Variants in CACNA1E observed in about 807,000 individuals in gnomAD.
CACNA1E encodes the protein voltage-dependent R-type calcium channel subunit alpha-1E.
A neutral mutation model predicts 259.2 loss-of-function variants in CACNA1E; 40 were observed. The ratio of observed to expected loss-of-function variants is 0.15; its 90% CI spans 0.12 to 0.20. The LOEUF (loss-of-function observed/expected upper bound fraction) is 0.20. Among genes scored for constraint, CACNA1E ranks in the 10% least tolerant of loss-of-function variants. CACNA1E has a pLI of 1.00. For synonymous variants in CACNA1E, 1,104 were observed against 1,138.5 expected (o/e 0.97, Z 0.61); for missense variants, 1,874 against 3,040.1 (o/e 0.62, Z 9.02).
At chr1:181,452,462 G>T (rs1661214698) in intron 2 of CACNA1E, among the ~76,000 whole-genome samples, 1 of 152,180 alleles carries the variant, frequency 6.6e-6, no homozygotes, top group African/African-American at 2.4e-5. Context: ...TTTGCAAACT[G>T]TGTTCCTTGG....
At position 181,776,365 on chromosome 1, in the gene CACNA1E, A is replaced by G. The variant is rs1659976124; in HGVS notation, c.5267+137A>G. 2.3e-6 allele frequency: 2 copies of G among 851,684 alleles called. No homozygotes were observed. Among genetic ancestry groups the G allele is most frequent in the Non-Finnish European group, 3.8e-6 (2 of 527,344 alleles). 52.8% of individuals were successfully genotyped at this position (851,684 alleles called of 1,614,324 possible). On this transcript the variant is annotated intron_variant, in intron 38 of 47. Transcript: ENST00000367573. The surrounding 1 kb of genome is among the most constrained non-coding windows in gnomAD (Gnocchi z 4.4). ...AGGAGATTCCTCTTGATTGTGGCCCATAGAAGAGGCTCTGGTATCAAGCCA... is the reference window on the plus strand; with the variant it reads ...AGGAGATTCCTCTTGATTGTGGCCCGTAGAAGAGGCTCTGGTATCAAGCCA...
chr1:181,539,893 G>A (rs905232430), intron 3 of CACNA1E, among the ~76,000 whole-genome samples: 6 of 152,144 alleles, frequency 3.9e-5, no homozygotes, highest in African/African-American at 1.4e-4. Context: ...CTTATTATAG[G>A]TCTTGTGTTA....
intron 38 of CACNA1E, among the ~76,000 whole-genome samples, chr1:181,777,908 G>A (rs1265938990): frequency 1.3e-5 from 2 of 152,162 alleles, no homozygotes; most frequent in Non-Finnish European, 2.9e-5. Flanking sequence ...TTGTTCATCT[G>A]GGCTCACTCA....
chr1:181,722,474 C>T (rs1380230364), intron 16 of CACNA1E, among the ~76,000 whole-genome samples: 2 of 152,160 alleles, frequency 1.3e-5, no homozygotes, highest in Non-Finnish European at 2.9e-5. Flanking sequence ...ACTCCAGTGC[C>T]CTATCCAATC....
intron 1 of CACNA1E, among the ~76,000 whole-genome samples, chr1:181,505,917 G>A (rs111614268): frequency 0.025 from 3,811 of 152,308 alleles, 152 homozygotes; most frequent in African/African-American, 0.087. Flanking sequence ...TGTGTGCCAA[G>A]TACAGTGGTG....
At chr1:181,532,724 A>G (rs1341939838) in intron 3 of CACNA1E, among the ~76,000 whole-genome samples, 1 of 152,226 alleles carries the variant, frequency 6.6e-6, no homozygotes, top group Non-Finnish European at 1.5e-5. Context: ...GCATTTGAGG[A>G]AAGGAGATCT....
intron 2 of CACNA1E, among the ~76,000 whole-genome samples, chr1:181,422,381 C>G (rs1658814339): frequency 2.0e-5 from 3 of 152,314 alleles, no homozygotes; most frequent in South Asian, 4.1e-4. Flanking sequence ...TAGTTACGAT[C>G]TATGTGTTCA....
intron 1 of CACNA1E, among the ~76,000 whole-genome samples, chr1:181,352,012 A>C (rs1653080813): frequency 6.6e-6 from 1 of 152,246 alleles, no homozygotes; most frequent in South Asian, 2.1e-4. Context: ...ATGCACTTGC[A>C]GCATCTGGAG....
At chr1:181,688,958 C>T (rs113120917) in intron 7 of CACNA1E, among the ~76,000 whole-genome samples, 140 of 152,238 alleles carry the variant, frequency 9.2e-4, no homozygotes, top group African/African-American at 3.3e-3. Flanking sequence ...TTGAGGTTCA[C>T]TTATGTTGTC....
In CACNA1E at chr1:181,802,014, T is replaced by G. The variant is rs1040505496; in HGVS notation, c.*3180T>G. ...CTCCAGACAGACTCCAGGTAGGGAA[T>G]GCATGCTGTCTCTTTCTCTGTGTCT... On this transcript the variant is annotated 3_prime_UTR_variant, in exon 48 of 48. Transcript: ENST00000367573. The G allele has an allele frequency of 6.6e-6, 1 of 152,226 alleles. No individual in the cohort carries two copies. The highest frequency in any genetic ancestry group is 2.4e-5 in the African/African-American group (1 of 41,450). The allele number at this position is 152,226 out of a possible 1,614,324, so 9.4% of individuals were successfully genotyped here. A position where few individuals can be genotyped will look rare whatever the true frequency, so the allele number is the denominator to read the frequency against.
At chr1:181,618,655 G>A (rs932544342) in intron 6 of CACNA1E, among the ~76,000 whole-genome samples, 12 of 152,156 alleles carry the variant, frequency 7.9e-5, no homozygotes, top group African/African-American at 2.9e-4. Context: ...CAATACAATT[G>A]AAATCCAGAG....
intron 3 of CACNA1E, among the ~76,000 whole-genome samples, chr1:181,514,150 G>A (rs960152687): frequency 2.0e-5 from 3 of 152,192 alleles, no homozygotes; most frequent in African/African-American, 7.2e-5. Flanking sequence ...ACAGTCACAT[G>A]ATGCTCTCAT....
At chr1:181,361,304 A>G (rs1653869830) in intron 1 of CACNA1E, among the ~76,000 whole-genome samples, 1 of 152,092 alleles carries the variant, frequency 6.6e-6, no homozygotes, top group Admixed American at 6.5e-5. Context: ...GCATAGGGAA[A>G]TATGGAGGTG....
chr1:181,754,496 T>C (rs1399592529), intron 27 of CACNA1E, among the ~76,000 whole-genome samples: 1 of 152,152 alleles, frequency 6.6e-6, no homozygotes. Flanking sequence ...CCCATGTAAC[T>C]CCTCACAGCT....
chr1:181,558,345 A>C (rs1481135360), intron 3 of CACNA1E, among the ~76,000 whole-genome samples: 1 of 152,218 alleles, frequency 6.6e-6, no homozygotes, highest in African/African-American at 2.4e-5. Flanking sequence ...ACATTTATCG[A>C]GTACCTACTA....
At chr1:181,599,127 G>A (rs1051749601) in intron 6 of CACNA1E, among the ~76,000 whole-genome samples, 5 of 149,794 alleles carry the variant, frequency 3.3e-5, no homozygotes, top group African/African-American at 7.4e-5. Flanking sequence ...CTTGCCCTCC[G>A]ATAGGCCCCA....
chr1:181,610,603 G>T (rs1253972875), intron 6 of CACNA1E, among the ~76,000 whole-genome samples: 1 of 152,146 alleles, frequency 6.6e-6, no homozygotes, highest in African/African-American at 2.4e-5. Context: ...TTGAAATCAG[G>T]CCTTGTGAAT....
At chr1:181,458,433 A>G (rs1661596616) in intron 2 of CACNA1E, among the ~76,000 whole-genome samples, 1 of 152,234 alleles carries the variant, frequency 6.6e-6, no homozygotes, top group South Asian at 2.1e-4. Flanking sequence ...CTGGCAAGGC[A>G]TAGACTGCCC....
intron 6 of CACNA1E, among the ~76,000 whole-genome samples, chr1:181,626,374 G>A (rs1046710483): frequency 3.9e-5 from 6 of 152,122 alleles, no homozygotes; most frequent in East Asian, 1.9e-4. Flanking sequence ...AACTAATCTC[G>A]TGTCTTAGAT....
Sources: gnomAD v4.1 joint callset for allele counts (sites outside exome capture counted in the v4.1 genomes callset) on GRCh38, gnomAD v4.1.1 for gene constraint, Gnocchi (gnomAD v3.1) non-coding constraint, MANE v1.5 for transcripts, NCBI Gene and HGNC (gene_info 2026-07-23, HGNC 2026-07-21) for gene names.